The following RBFOX1 variants were observed in gnomAD, a reference collection of about 807,000 sequenced individuals.
RBFOX1 encodes the protein RNA binding fox-1 homolog 1, also known as RNA binding protein fox-1 homolog 1.
In RBFOX1, 8 loss-of-function variants were observed where a neutral mutation model predicts 57.7. The observed-to-expected ratio is 0.14, with a 90% CI of 0.08 to 0.25. The LOEUF (loss-of-function observed/expected upper bound fraction) is 0.25. Among genes scored for constraint, RBFOX1 ranks in the 10% least tolerant of loss-of-function variants. The pLI is 1.00. For synonymous variants in RBFOX1, 326 were observed against 222.4 expected, an observed-to-expected ratio of 1.47 and a Z score of -4.15; for missense variants, 611 against 548.5, an observed-to-expected ratio of 1.11 and a Z score of -1.14.
chr16:6,551,177 G>A (rs2096982917), intron 2 of RBFOX1, among the ~76,000 whole-genome samples: 1 of 152,178 alleles, frequency 6.6e-6, no homozygotes, highest in South Asian at 2.1e-4. Flanking sequence ...TATAGATCTA[G>A]CCCAACTCAG....
intron 1 of RBFOX1, among the ~76,000 whole-genome samples, chr16:6,093,763 A>T (rs1270569522): frequency 6.6e-6 from 1 of 151,072 alleles, no homozygotes; most frequent in East Asian, 1.9e-4. Context: ...CTGGGACCAC[A>T]GGTGCATTCC....
intron 4 of RBFOX1, among the ~76,000 whole-genome samples, chr16:7,080,408 G>A (rs899547476): frequency 3.3e-5 from 5 of 152,010 alleles, no homozygotes; most frequent in African/African-American, 7.2e-5. Context: ...CTGGCAGAAC[G>A]GTCTTCACTA....
chr16:5,911,722 G>A (rs11866608), intron 4 of RBFOX1, among the ~76,000 whole-genome samples: 16 of 152,014 alleles, frequency 1.1e-4, no homozygotes, highest in East Asian at 7.7e-4. Context: ...GGCAGATTCC[G>A]TGTCTGGTGA....
intron 4 of RBFOX1, among the ~76,000 whole-genome samples, chr16:7,077,759 G>A (rs1378164109): frequency 6.6e-6 from 1 of 152,190 alleles, no homozygotes; most frequent in Non-Finnish European, 1.5e-5. Flanking sequence ...AACTTGTCCT[G>A]TTAGCAGCTT....
At chr16:5,615,451 G>T (rs769155274) in intron 3 of RBFOX1, among the ~76,000 whole-genome samples, 6 of 152,184 alleles carry the variant, frequency 3.9e-5, no homozygotes, top group Admixed American at 6.5e-5. Context: ...TCTGAAGACA[G>T]CTACGTTTAT....
At chr16:7,588,347 C>G (rs749063502) in intron 7 of RBFOX1, among the ~76,000 whole-genome samples, 2 of 152,186 alleles carry the variant, frequency 1.3e-5, no homozygotes, top group Non-Finnish European at 2.9e-5. Context: ...CAGCCCTGAT[C>G]TGTTGAATTC....
chr16:5,248,987 CAAAAAAA>C (rs56146545), intron 1 of RBFOX1, among the ~76,000 whole-genome samples: 11 of 63,334 alleles, frequency 1.7e-4, no homozygotes, highest in Non-Finnish European at 2.7e-4. Context: ...GACTCCATCT[CAAAAAAA>C]AAAAAAAAAA....
intron 3 of RBFOX1, among the ~76,000 whole-genome samples, chr16:6,769,517 C>A (rs1176915513): frequency 2.0e-5 from 3 of 152,224 alleles, no homozygotes; most frequent in East Asian, 3.9e-4. Context: ...AATGGTTTAT[C>A]ACCCGCCTTT....
chr16:6,077,899 G>A (rs1473845891), intron 1 of RBFOX1, among the ~76,000 whole-genome samples: 1 of 152,026 alleles, frequency 6.6e-6, no homozygotes, highest in Non-Finnish European at 1.5e-5. Flanking sequence ...AACATCCAAG[G>A]AGTAGACATT....
intron 1 of RBFOX1, among the ~76,000 whole-genome samples, chr16:6,078,529 G>C (rs1255056635): frequency 1.3e-5 from 2 of 152,132 alleles, no homozygotes; most frequent in East Asian, 1.9e-4. Flanking sequence ...CTGTTCTAGA[G>C]CCAGTCCTAA....
intron 3 of RBFOX1, among the ~76,000 whole-genome samples, chr16:6,864,444 G>C (rs1460425223): frequency 6.6e-6 from 1 of 151,810 alleles, no homozygotes; most frequent in Non-Finnish European, 1.5e-5. Flanking sequence ...GAAAAGAAAT[G>C]ACATCATCAT....
chr16:6,866,833 C>G (rs912265992), intron 3 of RBFOX1, among the ~76,000 whole-genome samples: 2 of 151,892 alleles, frequency 1.3e-5, no homozygotes, highest in African/African-American at 2.4e-5. Flanking sequence ...GGAGCCACCG[C>G]GCCCAGCTAA....
chr16:5,961,755 C>T (rs1051834755), intron 4 of RBFOX1, among the ~76,000 whole-genome samples: 2 of 152,062 alleles, frequency 1.3e-5, no homozygotes, highest in East Asian at 1.9e-4. Flanking sequence ...CTCAAACTCC[C>T]GGCCTCAAGC....
At chr16:6,036,706 T>C (rs1303901849) in intron 1 of RBFOX1, among the ~76,000 whole-genome samples, 2 of 152,168 alleles carry the variant, frequency 1.3e-5, no homozygotes, top group African/African-American at 4.8e-5. Flanking sequence ...GTCTCCTATT[T>C]CCTCTTCTGA....
At chr16:6,781,971 T>C (rs2154237125) in intron 3 of RBFOX1, among the ~76,000 whole-genome samples, 1 of 152,296 alleles carries the variant, frequency 6.6e-6, no homozygotes, top group East Asian at 1.9e-4. Context: ...TTTCTAGTTC[T>C]TTAAGATGCA....
intron 1 of RBFOX1, among the ~76,000 whole-genome samples, chr16:6,132,679 A>G (rs2096637940): frequency 6.6e-6 from 1 of 152,172 alleles, no homozygotes; most frequent in Non-Finnish European, 1.5e-5. Context: ...AAGTGACTGT[A>G]TATTTGGGAG....
intron 4 of RBFOX1, among the ~76,000 whole-genome samples, chr16:7,309,412 C>T (rs548284392): frequency 3.5e-4 from 53 of 152,324 alleles, no homozygotes; most frequent in Non-Finnish European, 6.2e-4. Flanking sequence ...AAATTGTAAG[C>T]ATCTGTTCAT....
At chr16:7,336,685 C>T (rs1330418313) in intron 4 of RBFOX1, among the ~76,000 whole-genome samples, 1 of 152,200 alleles carries the variant, frequency 6.6e-6, no homozygotes, top group Non-Finnish European at 1.5e-5. Context: ...ATGTGCCAGG[C>T]TCTGTGCTAA....
At chr16:6,822,287 A>C (rs80272134) in intron 3 of RBFOX1, among the ~76,000 whole-genome samples, 5 of 152,082 alleles carry the variant, frequency 3.3e-5, no homozygotes, top group African/African-American at 1.2e-4. Flanking sequence ...TTTCCATTCT[A>C]TCACCATTAT....
Sources: gnomAD v4.1 joint callset for allele counts (sites outside exome capture counted in the v4.1 genomes callset) on GRCh38, gnomAD v4.1.1 for gene constraint, MANE v1.5 for transcripts, NCBI Gene and HGNC (gene_info 2026-07-23, HGNC 2026-07-21) for gene names.